Variants in TTC21B observed in about 807,000 individuals in gnomAD.
The protein encoded by TTC21B is tetratricopeptide repeat protein 21B.
A neutral mutation model predicts 175.1 loss-of-function variants in TTC21B; 127 were observed. That is an observed-to-expected ratio of 0.73 (90% CI 0.63 to 0.84). The LOEUF is 0.84. Among genes scored for constraint, TTC21B ranks in the 40% least tolerant of loss-of-function variants. TTC21B has a pLI of 0.00. For synonymous variants in TTC21B, 524 were observed against 524.5 expected (o/e 1.00, Z 0.01); for missense variants, 1,561 against 1,558.3 (o/e 1.00, Z -0.03).
chr2:165,929,269 A>C lies in TTC21B; in HGVS notation c.1252T>G (p.Leu418Val), dbSNP rs1483868563. 2 of 1,612,864 alleles carry C rather than the reference A, an allele frequency of 1.2e-6. No homozygotes were observed. The highest frequency in any genetic ancestry group is 8.5e-7 in the Non-Finnish European group (1 of 1,179,264). ...KNKRQEEVINLLNDVLDTHFS... is the reference protein window; with the variant it reads ...KNKRQEEVINVLNDVLDTHFS... ...TGAGTGTCCAGGACATCATTTAACA[A>C]ATTAATAACTTCTTCTTGTCGTTTA... The change falls in exon 11 of 29, where the codon TTG becomes GTG. Residue 418 changes from leucine to valine, a missense_variant. Leu to Val is a conservative substitution (Grantham distance 32). Transcript: ENST00000243344.
At chr2:165,953,529 C>T (rs867966636) in intron 1 of TTC21B, among the ~76,000 whole-genome samples, 156 bp downstream of exon 1, 1 of 152,206 alleles carries the variant, frequency 6.6e-6, no homozygotes, top group South Asian at 2.1e-4. Flanking sequence ...TGAGCAGAGG[C>T]TGCAGGCCCA....
At chr2:165,876,922 CAG>C (rs879272266) in intron 27 of TTC21B, among the ~76,000 whole-genome samples, 5 of 152,102 alleles carry the variant, frequency 3.3e-5, no homozygotes, top group African/African-American at 7.2e-5. Context: ...GGTGAGAAGA[CAG>C]AGCACATAGG....
chr2:165,952,634 T>C (rs1687793377), intron 1 of TTC21B, among the ~76,000 whole-genome samples: 1 of 152,154 alleles, frequency 6.6e-6, no homozygotes, highest in African/African-American at 2.4e-5. Flanking sequence ...GCAGTGCAAA[T>C]AATACATTTA....
intron 17 of TTC21B, among the ~76,000 whole-genome samples, chr2:165,911,704 C>G (rs971320579): frequency 6.6e-6 from 1 of 151,586 alleles, no homozygotes; most frequent in Non-Finnish European, 1.5e-5. Flanking sequence ...ACTCCATCAC[C>G]CAGGCTGGAG....
At chr2:165,907,428 TCA>T (rs1232545739) in intron 19 of TTC21B, among the ~76,000 whole-genome samples, 2 of 152,146 alleles carry the variant, frequency 1.3e-5, no homozygotes, top group African/African-American at 4.8e-5. Context: ...TCATATGACT[TCA>T]CACAAGTTAA....
At chr2:165,874,979 T>C in intron 28 of TTC21B, 147 bp from the exon 29 acceptor site, 1 of 696,814 alleles carries the variant, frequency 1.4e-6, no homozygotes, top group Non-Finnish European at 2.5e-6. Flanking sequence ...TGGTGGCATT[T>C]TAAATGTAAC....
Position 165,930,380 on chromosome 2 carries a change from A to G in TTC21B, c.895-16T>C, listed in dbSNP as rs774308869. 114 of 1,584,062 alleles carry G rather than the reference A, an allele frequency of 7.2e-5. No individual in the cohort carries two copies. Among genetic ancestry groups the G allele is most frequent in the Non-Finnish European group, 9.3e-5 (108 of 1,158,470 alleles). On this transcript the variant is annotated splice_polypyrimidine_tract_variant and intron_variant, in intron 8 of 28. Transcript: ENST00000243344. ...TACGTCCACACTAAAAAGAAAAAAA[A>G]ATGATGTAAGATTTCAAAGTCTAAC...
intron 22 of TTC21B, among the ~76,000 whole-genome samples, chr2:165,893,931 A>G (rs1170560165): frequency 2.6e-5 from 4 of 152,218 alleles, no homozygotes; most frequent in Non-Finnish European, 5.9e-5. Flanking sequence ...ATTTGCGGCC[A>G]TATTATTATT....
At chr2:165,946,603 C>T (rs971951451) in intron 3 of TTC21B, among the ~76,000 whole-genome samples, 2 of 152,012 alleles carry the variant, frequency 1.3e-5, no homozygotes, top group African/African-American at 2.4e-5. Context: ...TTTGGGAGGC[C>T]GAGGTGGGTG....
Position 165,874,713 on chromosome 2 carries a change from C to T in TTC21B, c.*42G>A. On this transcript the variant is annotated 3_prime_UTR_variant, in exon 29 of 29. Transcript: ENST00000243344. ...ACAGGAAGAACTGAAAGTTAGATTT[C>T]TTTCATTTCCTGTTAAACCAACACC... is the stretch of plus-strand genomic sequence containing the variant. The T allele has an allele frequency of 1.3e-6, 2 of 1,559,538 alleles. No homozygotes were observed. Among genetic ancestry groups the T allele is most frequent in the Non-Finnish European group, 1.8e-6 (2 of 1,130,714 alleles).
chr2:165,937,706 T>G (rs115977060), intron 6 of TTC21B, among the ~76,000 whole-genome samples: 1,965 of 149,784 alleles, frequency 0.013, 58 homozygotes, highest in African/African-American at 0.046. Flanking sequence ...AAAAGTACAT[T>G]ATGAGTCTAT....
chr2:165,896,809 G>T (rs979614251), intron 22 of TTC21B, among the ~76,000 whole-genome samples: 3 of 152,142 alleles, frequency 2.0e-5, no homozygotes, highest in Non-Finnish European at 4.4e-5. Flanking sequence ...TATTCTACAG[G>T]GTATTAGATT....
intron 16 of TTC21B, 74 bp downstream of exon 16, chr2:165,913,500 T>C (rs1026752596): frequency 1.2e-5 from 11 of 953,118 alleles, no homozygotes; most frequent in Non-Finnish European, 1.8e-5. Context: ...TAAAAAACAT[T>C]CCTTTTAATA....
chr2:165,924,744 A>T (rs899955499), intron 11 of TTC21B, 66 bp from the exon 12 acceptor site: 10 of 1,518,996 alleles, frequency 6.6e-6, no homozygotes, highest in Non-Finnish European at 8.9e-6. Context: ...AAATAAACAT[A>T]TATTAATTTT....
At chr2:165,943,928 T>G (rs906221068) in intron 4 of TTC21B, among the ~76,000 whole-genome samples, 7 of 152,108 alleles carry the variant, frequency 4.6e-5, no homozygotes, top group Non-Finnish European at 1.0e-4. Flanking sequence ...CATATGGGAT[T>G]GAAAACAAGA....
intron 27 of TTC21B, among the ~76,000 whole-genome samples, chr2:165,877,522 G>A (rs1684704908): frequency 6.6e-6 from 1 of 152,140 alleles, no homozygotes; most frequent in African/African-American, 2.4e-5. Flanking sequence ...GTACAGGTAT[G>A]TAGCCTAGGA....
intron 26 of TTC21B, among the ~76,000 whole-genome samples, chr2:165,883,218 A>G: frequency 6.6e-6 from 1 of 152,328 alleles, no homozygotes; most frequent in East Asian, 1.9e-4. Context: ...AAGAACTGTT[A>G]TAATGACATC....
At chr2:165,942,891 T>C (rs1475653606) in intron 5 of TTC21B, among the ~76,000 whole-genome samples, 2 of 152,220 alleles carry the variant, frequency 1.3e-5, no homozygotes, top group African/African-American at 4.8e-5. Flanking sequence ...AACAAGAGGT[T>C]TTCTCTTGCT....
At chr2:165,903,068 G>A (rs898420631) in intron 19 of TTC21B, among the ~76,000 whole-genome samples, 2 of 152,174 alleles carry the variant, frequency 1.3e-5, no homozygotes, top group African/African-American at 4.8e-5. Context: ...GATTGCAAGT[G>A]TAAGGAAGAA....
Sources: allele counts gnomAD v4.1 joint callset (sites outside exome capture counted in the v4.1 genomes callset), GRCh38; gene constraint gnomAD v4.1.1; transcripts MANE v1.5; gene names NCBI Gene and HGNC (gene_info 2026-07-23, HGNC 2026-07-21).